The following EEFSEC variants were observed in gnomAD, a reference collection of about 807,000 sequenced individuals.
EEFSEC encodes the protein selenocysteine-specific elongation factor.
Under a neutral mutation model 42.1 loss-of-function variants are expected in EEFSEC, and 43 were observed. The observed-to-expected ratio is 1.02, with a 90% CI of 0.80 to 1.32. The LOEUF is 1.32. EEFSEC is among the 40% of genes most tolerant of loss of function. The pLI is 0.00. For synonymous variants in EEFSEC, 354 were observed against 339.1 expected, an observed-to-expected ratio of 1.04 and a Z score of -0.48; for missense variants, 745 against 803.6, an observed-to-expected ratio of 0.93 and a Z score of 0.88.
At chr3:128,279,841 A>G (rs1454962839) in intron 4 of EEFSEC, among the ~76,000 whole-genome samples, 2 of 152,160 alleles carry the variant, frequency 1.3e-5, no homozygotes, top group Non-Finnish European at 2.9e-5. Context: ...TGCCTATTCA[A>G]CATGCAGTTG....
At chr3:128,166,596 A>G (rs750873562) in intron 1 of EEFSEC, among the ~76,000 whole-genome samples, 1 of 152,070 alleles carries the variant, frequency 6.6e-6, no homozygotes, top group Non-Finnish European at 1.5e-5. Flanking sequence ...TGATTTGGTT[A>G]TAAGAACTGT....
chr3:128,263,321 G>A (rs985734021), intron 3 of EEFSEC, among the ~76,000 whole-genome samples: 6 of 152,232 alleles, frequency 3.9e-5, no homozygotes, highest in South Asian at 2.1e-4. Flanking sequence ...CAGGTTGATC[G>A]CTGGGGTCAG....
At chr3:128,288,670 C>T (rs1370904949) in intron 4 of EEFSEC, among the ~76,000 whole-genome samples, 5 of 152,234 alleles carry the variant, frequency 3.3e-5, no homozygotes, top group African/African-American at 4.8e-5. Context: ...ATACTTTATA[C>T]TTTGCAGGTG....
At position 128,342,970 on chromosome 3, in the gene EEFSEC, G is replaced by A. The variant is rs1040172515; in HGVS notation, c.1443+1081G>A. On this transcript the variant is annotated intron_variant, in intron 5 of 6. Coordinates refer to ENST00000254730, the MANE Select transcript of EEFSEC (RefSeq NM_021937.5). ...TAGCTCCCTGGCTGTGGGTCCAAGC[G>A]GATCAGCAGCAGCTGTACTGGGACA... Among the ~76,000 whole-genome samples, 6 of 152,372 alleles carry A rather than the reference G, an allele frequency of 3.9e-5. No individual in the cohort carries two copies. In the East Asian group the frequency reaches 5.8e-4, roughly 15 times the overall value.
chr3:128,295,430 A>G (rs988010939), intron 4 of EEFSEC, among the ~76,000 whole-genome samples: 3 of 58,568 alleles, frequency 5.1e-5, no homozygotes, highest in Non-Finnish European at 7.4e-5. Flanking sequence ...ACTTCAAGGC[A>G]TTTTTCTGTA....
chr3:128,317,892 C>A lies in EEFSEC; in HGVS notation c.787-23341C>A, dbSNP rs1468697131. ...TCCCAGTTCCCTGCCAGGTGGTAACCATGGTTCCTTTCTCAGGGCTCCCCC... is the reference window on the plus strand; with the variant it reads ...TCCCAGTTCCCTGCCAGGTGGTAACAATGGTTCCTTTCTCAGGGCTCCCCC... On this transcript the variant is annotated intron_variant, in intron 4 of 6. Coordinates refer to ENST00000254730, the MANE Select transcript of EEFSEC (RefSeq NM_021937.5). The surrounding 1 kb of genome is among the most constrained non-coding windows in gnomAD (Gnocchi z 4.1). Among the ~76,000 whole-genome samples, 1 of 152,222 alleles carries A rather than the reference C, an allele frequency of 6.6e-6. No individual in the cohort carries two copies. Among genetic ancestry groups the A allele is most frequent in the Non-Finnish European group, 1.5e-5 (1 of 68,034 alleles).
intron 5 of EEFSEC, among the ~76,000 whole-genome samples, chr3:128,342,326 G>GTGCC (rs2067265292): frequency 6.6e-6 from 1 of 152,258 alleles, no homozygotes; most frequent in Admixed American, 6.5e-5. Flanking sequence ...ATCTGCCCAT[G>GTGCC]TGCCCCTGCA....
At chr3:128,218,615 C>T (rs2065833483) in intron 1 of EEFSEC, among the ~76,000 whole-genome samples, 1 of 152,120 alleles carries the variant, frequency 6.6e-6, no homozygotes, top group African/African-American at 2.4e-5. Flanking sequence ...AGGAGTGATT[C>T]CGGACTGGCC....
intron 1 of EEFSEC, among the ~76,000 whole-genome samples, chr3:128,194,907 C>T (rs2065566432): frequency 6.6e-6 from 1 of 151,966 alleles, no homozygotes; most frequent in Admixed American, 6.6e-5. Context: ...TTTTTTTCCC[C>T]AAGGCTTTTT....
intron 6 of EEFSEC, among the ~76,000 whole-genome samples, chr3:128,388,263 C>T (rs1035927691): frequency 1.3e-5 from 2 of 152,218 alleles, no homozygotes; most frequent in African/African-American, 4.8e-5. Context: ...GCCTCTTGCC[C>T]CCGCCTCCAC....
chr3:128,231,736 T>C (rs2065960774), intron 1 of EEFSEC, among the ~76,000 whole-genome samples: 1 of 152,088 alleles, frequency 6.6e-6, no homozygotes, highest in South Asian at 2.1e-4. Context: ...CTCGGTGCCC[T>C]GTTAGGGCCT....
chr3:128,187,416 G>A (rs1490512803), intron 1 of EEFSEC, among the ~76,000 whole-genome samples: 1 of 152,190 alleles, frequency 6.6e-6, no homozygotes, highest in African/African-American at 2.4e-5. Context: ...CAGAGCTTCT[G>A]TGAGGTACCT....
Position 128,246,832 on chromosome 3 carries a change from C to G in EEFSEC, c.317-4C>G. On this transcript the variant is annotated splice_region_variant and splice_polypyrimidine_tract_variant and intron_variant, in intron 1 of 6. Coordinates refer to ENST00000254730, the MANE Select transcript of EEFSEC (RefSeq NM_021937.5). Reference sequence around the variant, plus strand: ...CTTTCTAACCTTCTCTTCTCTTATTCCAGGGGCCCAGATCATTGATCTGAT... The same window carrying G: ...CTTTCTAACCTTCTCTTCTCTTATTGCAGGGGCCCAGATCATTGATCTGAT... The G allele has an allele frequency of 6.2e-7, 1 of 1,613,490 alleles. No homozygotes were observed. The highest frequency in any genetic ancestry group is 8.5e-7 in the Non-Finnish European group (1 of 1,179,818).
intron 6 of EEFSEC, among the ~76,000 whole-genome samples, chr3:128,379,382 C>T (rs2067747517): frequency 6.6e-6 from 1 of 152,076 alleles, no homozygotes; most frequent in African/African-American, 2.4e-5. Flanking sequence ...TTATACCCAG[C>T]GTTTGAAACA....
chr3:128,222,025 G>GTTTTGTT (rs2065864855), intron 1 of EEFSEC, among the ~76,000 whole-genome samples: 3 of 96,362 alleles, frequency 3.1e-5, no homozygotes, highest in African/African-American at 9.5e-5. Context: ...TTTTTTCAAA[G>GTTTTGTT]TTTTTTTTTT....
At chr3:128,401,011 A>G (rs1266262184) in intron 6 of EEFSEC, among the ~76,000 whole-genome samples, 2 of 152,122 alleles carry the variant, frequency 1.3e-5, no homozygotes, top group African/African-American at 4.8e-5. Context: ...TGGGTTCATC[A>G]GGGGGTGGAG....
chr3:128,214,546 T>A (rs2065790268), intron 1 of EEFSEC, among the ~76,000 whole-genome samples: 1 of 152,242 alleles, frequency 6.6e-6, no homozygotes, highest in Non-Finnish European at 1.5e-5. Context: ...GAAAATATGA[T>A]ATGAGATCAA....
the EEFSEC span, among the ~76,000 whole-genome samples, chr3:128,418,413 C>T: frequency 6.6e-6 from 1 of 152,082 alleles, no homozygotes. Flanking sequence ...CCTCTCCTGC[C>T]CCCACCACCC....
At chr3:128,253,443 A>G (rs1286830526) in intron 2 of EEFSEC, among the ~76,000 whole-genome samples, 3 of 152,168 alleles carry the variant, frequency 2.0e-5, no homozygotes, top group Non-Finnish European at 4.4e-5. Context: ...TGGGCGAGTC[A>G]TAGCTTCTCT....
Sources: gnomAD v4.1 joint callset for allele counts (sites outside exome capture counted in the v4.1 genomes callset) on GRCh38, gnomAD v4.1.1 for gene constraint, Gnocchi (gnomAD v3.1) non-coding constraint, MANE v1.5 for transcripts, NCBI Gene and HGNC (gene_info 2026-07-23, HGNC 2026-07-21) for gene names.